MBD5: variants seen among roughly 807,000 people sequenced by gnomAD.
MBD5 encodes the protein methyl-CpG-binding domain protein 5.
Under a neutral mutation model 117.3 loss-of-function variants are expected in MBD5, and 13 were observed. The observed-to-expected ratio is 0.11, with a 90% CI of 0.07 to 0.18. The LOEUF is 0.18. MBD5 is among the 10% of genes least tolerant of loss of function. The probability of loss-of-function intolerance (pLI) is 1.00; values close to 1 mark genes in which losing one functional copy is unlikely to be tolerated. For missense variants in MBD5, 1,879 were observed against 2,093.8 expected (o/e 0.90, Z 2.00); for synonymous variants, 727 against 766.4 (o/e 0.95, Z 0.85).
At chr2:148,474,078 C>T (rs1318554126) in intron 8 of MBD5, among the ~76,000 whole-genome samples, 3 of 152,134 alleles carry the variant, frequency 2.0e-5, no homozygotes, top group African/African-American at 7.2e-5. Context: ...CAGGTATGTT[C>T]TGGAAATCCA....
intron 2 of MBD5, among the ~76,000 whole-genome samples, chr2:148,227,259 A>C (rs1437845228): frequency 1.3e-5 from 2 of 152,148 alleles, no homozygotes; most frequent in African/African-American, 4.8e-5. Context: ...CTAACATGTA[A>C]GTCTTTAATC....
chr2:148,362,088 C>T (rs561267511), intron 4 of MBD5, among the ~76,000 whole-genome samples: 6 of 152,266 alleles, frequency 3.9e-5, no homozygotes, highest in African/African-American at 7.2e-5. Flanking sequence ...AGCTAGCTGC[C>T]GGAGTTTTTT....
At chr2:148,478,895 G>A (rs1681055326) in intron 8 of MBD5, among the ~76,000 whole-genome samples, 1 of 152,090 alleles carries the variant, frequency 6.6e-6, no homozygotes, top group Non-Finnish European at 1.5e-5. Flanking sequence ...AAAAATCTCA[G>A]CGACTGTCCT....
At chr2:148,339,177 C>T (rs1177557545) in intron 3 of MBD5, among the ~76,000 whole-genome samples, 2 of 152,166 alleles carry the variant, frequency 1.3e-5, no homozygotes, top group Non-Finnish European at 2.9e-5. Context: ...ATTCTGAAGG[C>T]AGAGGTGCTT....
At chr2:148,355,152 C>T in intron 4 of MBD5, among the ~76,000 whole-genome samples, 1 of 151,176 alleles carries the variant, frequency 6.6e-6, no homozygotes, top group Non-Finnish European at 1.5e-5. Flanking sequence ...TTTTTAAGTT[C>T]CTTGTAGATG....
chr2:148,254,272 T>G (rs1700531323), intron 3 of MBD5, among the ~76,000 whole-genome samples: 1 of 152,204 alleles, frequency 6.6e-6, no homozygotes, highest in Admixed American at 6.5e-5. Flanking sequence ...TAAAACATTG[T>G]GTTCCTAAAA....
chr2:148,146,568 G>A (rs540887005), intron 1 of MBD5, among the ~76,000 whole-genome samples: 1 of 152,094 alleles, frequency 6.6e-6, no homozygotes, highest in African/African-American at 2.4e-5. Context: ...TTAGTTTGAT[G>A]TGTTTGGTTA....
intron 4 of MBD5, among the ~76,000 whole-genome samples, chr2:148,357,204 T>C (rs750040088): frequency 6.6e-6 from 1 of 152,170 alleles, no homozygotes; most frequent in Non-Finnish European, 1.5e-5. Context: ...TGTACCACTT[T>C]CCTAACTGTT....
At chr2:148,205,053 C>T (rs1699243423) in intron 2 of MBD5, among the ~76,000 whole-genome samples, 1 of 151,678 alleles carries the variant, frequency 6.6e-6, no homozygotes, top group Non-Finnish European at 1.5e-5. Flanking sequence ...TTTTTTTCCC[C>T]AGTCTTTACA....
chr2:148,044,335 T>C (rs1694456421), intron 1 of MBD5: 1 of 152,218 alleles, frequency 6.6e-6, no homozygotes, highest in South Asian at 2.1e-4. Context: ...AATGAGTGAG[T>C]ATGCCCATGG....
intron 4 of MBD5, among the ~76,000 whole-genome samples, chr2:148,389,301 T>TATAA (rs1364364557): frequency 1.9e-5 from 2 of 107,270 alleles, no homozygotes; most frequent in Non-Finnish European, 3.8e-5. Context: ...TATATATATA[T>TATAA]ATAACATTTT....
chr2:148,389,622 A>G (rs550343513), intron 4 of MBD5, among the ~76,000 whole-genome samples: 27 of 152,198 alleles, frequency 1.8e-4, no homozygotes, highest in Non-Finnish European at 3.8e-4. Context: ...AGTAATAGCC[A>G]TTCTGACTGG....
intron 4 of MBD5, among the ~76,000 whole-genome samples, chr2:148,366,216 T>G (rs1041880865): frequency 2.6e-5 from 4 of 151,834 alleles, no homozygotes; most frequent in African/African-American, 4.8e-5. Flanking sequence ...ATAGAACAAA[T>G]GACAAAAACC....
intron 3 of MBD5, among the ~76,000 whole-genome samples, chr2:148,294,501 G>GTTTTTTTTTTTTTGTTTTTTTTTTTTGT (rs761709621): frequency 8.8e-6 from 1 of 113,216 alleles, no homozygotes; most frequent in African/African-American, 3.7e-5. Flanking sequence ...TGGGATTACA[G>GTTTTTTTTTTTTTGTTTTTTTTTTTTGT]TTTTTTTTTT....
At chr2:148,114,565 T>C (rs528940361) in intron 1 of MBD5, among the ~76,000 whole-genome samples, 13 of 152,312 alleles carry the variant, frequency 8.5e-5, no homozygotes, top group African/African-American at 3.1e-4. Flanking sequence ...TTTAATTTAA[T>C]TGTTAGAGAA....
chr2:148,148,584 T>C (rs1697537485), intron 1 of MBD5, among the ~76,000 whole-genome samples: 1 of 152,222 alleles, frequency 6.6e-6, no homozygotes, highest in African/African-American at 2.4e-5. Flanking sequence ...CTGGGAATTA[T>C]TTTTCCTTTA....
At chr2:148,508,225 TGACCAG>T in intron 12 of MBD5, among the ~76,000 whole-genome samples, 1 of 152,184 alleles carries the variant, frequency 6.6e-6, no homozygotes, top group Middle Eastern at 3.4e-3. Context: ...CTCCATGAGA[TGACCAG>T]GGCCCCTTGA....
intron 2 of MBD5, among the ~76,000 whole-genome samples, chr2:148,185,706 A>AGCC (rs1159033175): frequency 6.6e-6 from 1 of 152,180 alleles, no homozygotes; most frequent in African/African-American, 2.4e-5. Context: ...GTTCAAGACC[A>AGCC]GCCTGGGCAA....
At chr2:148,487,086 T>C (rs1043611696) in intron 10 of MBD5, among the ~76,000 whole-genome samples, 1 of 152,252 alleles carries the variant, frequency 6.6e-6, no homozygotes, top group Non-Finnish European at 1.5e-5. Flanking sequence ...TATATCCATC[T>C]ACCTGGTGGT....
Sources: gnomAD v4.1 joint callset for allele counts (sites outside exome capture counted in the v4.1 genomes callset) on GRCh38, gnomAD v4.1.1 for gene constraint, MANE v1.5 for transcripts, NCBI Gene and HGNC (gene_info 2026-07-23, HGNC 2026-07-21) for gene names.